PODXL: variants seen among roughly 807,000 people sequenced by gnomAD.
PODXL encodes the protein podocalyxin.
In PODXL, 20 loss-of-function variants were observed where a neutral mutation model predicts 48.9. The observed-to-expected ratio is 0.41, with a 90% CI of 0.29 to 0.59. The LOEUF is 0.59. Ranked by LOEUF, PODXL falls within the 20% of genes least tolerant of loss-of-function variation. The pLI is 0.31. For synonymous variants in PODXL, 295 were observed against 287.4 expected (o/e 1.03, Z -0.27); for missense variants, 606 against 675.1 (o/e 0.90, Z 1.13).
At position 131,501,108 on chromosome 7, in the gene PODXL, AAAAC is replaced by A. The variant is rs1221875894; in HGVS notation, c.*3199_*3202del. 2.6e-5 allele frequency: 4 copies of A among 152,582 alleles called. No homozygotes were observed. Among genetic ancestry groups the A allele is most frequent in the Non-Finnish European group, 1.5e-5 (1 of 68,032 alleles). 9.5% of individuals were successfully genotyped at this position (152,582 alleles called of 1,614,324 possible). ...GGCAGGGTTGCATTTTAAAATTAAA[AAAAC>A]AAAACAAAACACCTGATCTACAAGA... is the stretch of plus-strand genomic sequence containing the variant. On this transcript the variant is annotated 3_prime_UTR_variant, in exon 9 of 9. Transcript: ENST00000378555.
At chr7:131,517,211 T>C (rs1031739463) in intron 1 of PODXL, among the ~76,000 whole-genome samples, 2 of 152,158 alleles carry the variant, frequency 1.3e-5, no homozygotes, top group Non-Finnish European at 2.9e-5. Flanking sequence ...GGTTCCTTAG[T>C]GTAGAGAAAA....
intron 1 of PODXL, among the ~76,000 whole-genome samples, chr7:131,530,830 G>A (rs1400502506): frequency 1.3e-5 from 2 of 151,498 alleles, no homozygotes; most frequent in African/African-American, 2.4e-5. Context: ...AGGCCAAGGC[G>A]GGTGGATCAC....
intron 1 of PODXL, among the ~76,000 whole-genome samples, chr7:131,547,688 T>C (rs1798603790): frequency 6.6e-6 from 1 of 152,190 alleles, no homozygotes; most frequent in African/African-American, 2.4e-5. Flanking sequence ...TACGGAACAG[T>C]TAAAAGTAGG....
At chr7:131,542,061 T>G (rs567977906) in intron 1 of PODXL, among the ~76,000 whole-genome samples, 1 of 152,316 alleles carries the variant, frequency 6.6e-6, no homozygotes, top group East Asian at 1.9e-4. Context: ...GCTCTTCTTT[T>G]TCCAAGAAAC....
At chr7:131,506,219 C>G in intron 7 of PODXL, 41 bp downstream of exon 7, 3 of 1,605,904 alleles carry the variant, frequency 1.9e-6, no homozygotes, top group Non-Finnish European at 2.6e-6. Flanking sequence ...CCACAAGGGG[C>G]TTCGGAGCCA....
At chr7:131,547,101 C>T (rs7805446) in intron 1 of PODXL, among the ~76,000 whole-genome samples, 10,554 of 152,102 alleles carry the variant, frequency 0.069, 413 homozygotes, top group Middle Eastern at 0.13. Flanking sequence ...ATGCCAGGTG[C>T]GGGTGGCTCA....
rs928489501 is a variant in PODXL, at chr7:131,549,155, T to TG, written c.100+7104dup. Among the ~76,000 whole-genome samples the TG allele has an allele frequency of 1.4e-4, 22 of 151,730 alleles. No individual in the cohort carries two copies. In the East Asian group the frequency reaches 2.7e-3, roughly 19 times the overall value. On this transcript the variant is annotated intron_variant, in intron 1 of 8. Transcript: ENST00000378555. ...GGCGAGTAGGAGGAAAAGAGTGTGC[T>TG]GGGGGGGAGGGGTTTCTAAGCAGAG...
At chr7:131,533,327 C>A (rs970646197) in intron 1 of PODXL, among the ~76,000 whole-genome samples, 1 of 152,176 alleles carries the variant, frequency 6.6e-6, no homozygotes, top group African/African-American at 2.4e-5. Context: ...GGTCGTCAGG[C>A]CTGCCTCTCA....
intron 1 of PODXL, among the ~76,000 whole-genome samples, chr7:131,545,207 C>A (rs1490123629): frequency 6.6e-6 from 1 of 152,228 alleles, no homozygotes; most frequent in Non-Finnish European, 1.5e-5. Context: ...GGCTGAGAAG[C>A]AACACCACTG....
chr7:131,536,445 C>T (rs553940746), intron 1 of PODXL, among the ~76,000 whole-genome samples: 1 of 152,258 alleles, frequency 6.6e-6, no homozygotes, highest in Admixed American at 6.5e-5. Context: ...GTATCCCTGG[C>T]ACCTGCACAG....
chr7:131,556,022 C>T (rs1430335240), intron 1 of PODXL, among the ~76,000 whole-genome samples: 1 of 152,258 alleles, frequency 6.6e-6, no homozygotes. Context: ...GAATCCACCG[C>T]CCACTCCTCC....
intron 1 of PODXL, among the ~76,000 whole-genome samples, chr7:131,526,739 CTTTTTTT>C (rs57935236): frequency 2.2e-5 from 2 of 90,498 alleles, no homozygotes; most frequent in African/African-American, 4.4e-5. Context: ...CTTCCTTACT[CTTTTTTT>C]TTTTTTTTTT....
In PODXL at chr7:131,511,375, G is replaced by A. The variant is rs1219870239; in HGVS notation, c.159C>T (p.Val53=). The change falls in exon 2 of 9, where the codon GTC becomes GTT. Residue 53 remains valine, a synonymous_variant. Transcript: ENST00000378555. Reference sequence around the variant, plus strand: ...GGGCTGTATCTGTAGCCATGATGGTGACACTGGATGCTGGAGTCGGTGCTG... The same window carrying A: ...GGGCTGTATCTGTAGCCATGATGGTAACACTGGATGCTGGAGTCGGTGCTG... The part of the protein sequence containing the change: ...NKTAPTPASS[V]TIMATDTAQQ... 2 of 1,607,978 alleles carry A rather than the reference G, an allele frequency of 1.2e-6. No homozygotes were observed. The highest frequency in any genetic ancestry group is 3.3e-5 in the Admixed American group (2 of 60,030).
chr7:131,508,966 T>C lies in PODXL; in HGVS notation c.1086A>G (p.Thr362=). The change falls in exon 5 of 9, where the codon ACA becomes ACG. Residue 362 remains threonine (T), a synonymous_variant. Transcript: ENST00000378555. ...AGCTACTCACACAGAGGGTGTTTCC[T>C]GTGAGGTTCAGGACGAGCTGCTTCT... ...QSEKQLVLNL[T]GNTLCAGGAS... is the part of the protein sequence containing the mutation. The C allele has an allele frequency of 6.2e-7, 1 of 1,613,652 alleles. No homozygotes were observed. The highest frequency in any genetic ancestry group is 8.5e-7 in the Non-Finnish European group (1 of 1,179,544).
intron 1 of PODXL, among the ~76,000 whole-genome samples, chr7:131,524,791 T>C (rs899863617): frequency 6.6e-6 from 1 of 152,158 alleles, no homozygotes; most frequent in Non-Finnish European, 1.5e-5. Context: ...CATAAAAACC[T>C]ACATGCAAAT....
intron 1 of PODXL, among the ~76,000 whole-genome samples, chr7:131,528,260 G>C (rs1470741410): frequency 6.6e-6 from 1 of 152,118 alleles, no homozygotes; most frequent in African/African-American, 2.4e-5. Flanking sequence ...GCTGTATTTT[G>C]GTGGTAGAAA....
At chr7:131,521,186 A>C (rs1392661206) in intron 1 of PODXL, among the ~76,000 whole-genome samples, 2 of 152,058 alleles carry the variant, frequency 1.3e-5, no homozygotes, top group African/African-American at 4.8e-5. Flanking sequence ...GAGAAGCCAA[A>C]AAGTTAAGAC....
At chr7:131,514,452 A>G (rs1797962050) in intron 1 of PODXL, among the ~76,000 whole-genome samples, 1 of 151,808 alleles carries the variant, frequency 6.6e-6, no homozygotes, top group Non-Finnish European at 1.5e-5. Context: ...GTGCAATGTG[A>G]GGGTTTGACA....
chr7:131,552,150 C>T (rs1488237388), intron 1 of PODXL, among the ~76,000 whole-genome samples: 2 of 152,200 alleles, frequency 1.3e-5, no homozygotes, highest in Middle Eastern at 3.2e-3. Context: ...AGGGCTGAAG[C>T]CGGTTCCCCT....
Sources: gnomAD v4.1 joint callset for allele counts (sites outside exome capture counted in the v4.1 genomes callset) on GRCh38, gnomAD v4.1.1 for gene constraint, MANE v1.5 for transcripts, NCBI Gene and HGNC (gene_info 2026-07-23, HGNC 2026-07-21) for gene names.